Variants in CABP7 observed in about 807,000 individuals in gnomAD.
CABP7 encodes the protein calcium binding protein 7.
CABP7 carries 13 observed loss-of-function variants against 23.1 expected under a neutral mutation model. That is an observed-to-expected ratio of 0.56 (90% CI 0.37 to 0.90). CABP7 has a LOEUF of 0.90. Ranked by LOEUF, CABP7 falls within the 40% of genes least tolerant of loss-of-function variation. The pLI, the probability that CABP7 is intolerant of heterozygous loss-of-function variation, is 0.01. For missense variants in CABP7, 248 were observed against 295.6 expected, an observed-to-expected ratio of 0.84 and a Z score of 1.18; for synonymous variants, 123 against 115.3, an observed-to-expected ratio of 1.07 and a Z score of -0.43.
At chr22:29,729,297 TG>T in intron 4 of CABP7, 89 bp downstream of exon 4, 1 of 1,560,460 alleles carries the variant, frequency 6.4e-7, no homozygotes. Flanking sequence ...AGAGGGGGGC[TG>T]GGGGCCTCCT....
Position 29,731,635 on chromosome 22 carries a change from A to C in CABP7, c.*2066A>C. 4 of 387,364 alleles carry C rather than the reference A, an allele frequency of 1.0e-5. No individual in the cohort carries two copies. Among genetic ancestry groups the C allele is most frequent in the Non-Finnish European group, 1.8e-5 (4 of 216,814 alleles). The allele number at this position is 387,364 out of a possible 1,614,324, so 24.0% of individuals were successfully genotyped here. On this transcript the variant is annotated 3_prime_UTR_variant, in exon 5 of 5. Transcript: ENST00000216144. The stretch of plus-strand genomic sequence containing the variant: ...CCTGTGGGGGACTGATTCAATACAT[A>C]TGCACGTCCACAGCAGAGAATGCCA...
Position 29,729,550 on chromosome 22 carries a change from T to C in CABP7, c.629T>C (p.Leu210Pro), listed in dbSNP as rs2067823171. Residue 210 changes from leucine (L) to proline (P), a missense_variant, in exon 5 of 5, where the codon CTG (leucine) becomes CCG (proline). Physicochemically the swap from Leu to Pro is moderately conservative, Grantham distance 98. Coordinates refer to ENST00000216144, the MANE Select transcript of CABP7 (RefSeq NM_182527.3). The part of the protein sequence containing the change: ...SVMLIAANQV[L>P]RSGMK ...ATGCTCATTGCGGCCAACCAGGTGC[T>C]GCGCAGTGGCATGAAGTAGACGCCA... 6.2e-7 allele frequency: 1 copy of C among 1,611,330 alleles called. No individual in the cohort carries two copies. The highest frequency in any genetic ancestry group is 8.5e-7 in the Non-Finnish European group (1 of 1,179,950).
chr22:29,729,892 C>T lies in CABP7; in HGVS notation c.*323C>T. On this transcript the variant is annotated 3_prime_UTR_variant, in exon 5 of 5. Transcript: ENST00000216144. ...GGGATTTGCACAGGAACCCCCAGGA[C>T]CCAGTCGCTGCTGTGGTCCCTTGGG... 1 of 340,508 alleles carries T rather than the reference C, an allele frequency of 2.9e-6. No homozygotes were observed. The highest frequency in any genetic ancestry group is 5.5e-6 in the Non-Finnish European group (1 of 182,920). The allele number at this position is 340,508 out of a possible 1,614,324, so 21.1% of individuals were successfully genotyped here. A position where few individuals can be genotyped will look rare whatever the true frequency, so the allele number is the denominator to read the frequency against.
Position 29,727,264 on chromosome 22 carries a change from G to A in CABP7, c.110-398G>A, listed in dbSNP as rs577933792. On this transcript the variant is annotated intron_variant, in intron 1 of 4. Transcript: ENST00000216144. The surrounding 1 kb of genome is among the most constrained non-coding windows in gnomAD (Gnocchi z 4.2). ...GGAGGCGCAGCGGGATGGAGATGGT[G>A]GGGGAGAGGGGGATGAAAGGAATGG... is the stretch of plus-strand genomic sequence containing the variant. 6.6e-6 allele frequency among the ~76,000 whole-genome samples: 1 copy of A among 151,756 alleles called. No individual in the cohort carries two copies. Among genetic ancestry groups the A allele is most frequent in the African/African-American group, 2.4e-5 (1 of 41,202 alleles).
chr22:29,720,113 G>A lies in CABP7; in HGVS notation c.-312G>A, dbSNP rs1468200676. ...GGCGGCGAGCAGCGCGGAGCGCGCG[G>A]GGCACCGAGGAGCGGGCGCGGCGGG... On this transcript the variant is annotated 5_prime_UTR_variant, in exon 1 of 5. Coordinates refer to ENST00000216144, the MANE Select transcript of CABP7 (RefSeq NM_182527.3). This position sits in a 1 kb window ranked among gnomAD's most constrained non-coding sequence, Gnocchi z 5.2. 6.8e-6 allele frequency: 1 copy of A among 147,816 alleles called. No individual in the cohort carries two copies. The highest frequency in any genetic ancestry group is 1.5e-5 in the Non-Finnish European group (1 of 66,308). 9.2% of individuals were successfully genotyped at this position (147,816 alleles called of 1,614,324 possible).
rs897045962 is a variant in CABP7 at position 29,729,724 on chromosome 22, G to A, written c.*155G>A. 6.4e-6 allele frequency: 6 copies of A among 931,970 alleles called. No homozygotes were observed. Among genetic ancestry groups the A allele is most frequent in the Middle Eastern group, 3.3e-4 (1 of 3,006 alleles). The allele number at this position is 931,970 out of a possible 1,614,324, so 57.7% of individuals were successfully genotyped here. Reference sequence around the variant, plus strand: ...CAGCGAGCCCTCCCCACCCACCCACGGTCCTCACCTGGAGCTGTGGCCTGG... The same window carrying A: ...CAGCGAGCCCTCCCCACCCACCCACAGTCCTCACCTGGAGCTGTGGCCTGG... On this transcript the variant is annotated 3_prime_UTR_variant, in exon 5 of 5. Coordinates refer to ENST00000216144, the MANE Select transcript of CABP7 (RefSeq NM_182527.3).
chr22:29,728,786 A>G, intron 3 of CABP7, 44 bp downstream of exon 3: 1 of 1,408,046 alleles, frequency 7.1e-7, no homozygotes, highest in Non-Finnish European at 1.0e-6. Flanking sequence ...CACACTGTGG[A>G]GTTCTGTTCT....
In CABP7 at chr22:29,728,756, A is replaced by C; in HGVS notation, c.366+14A>C. ...GTCTTCTGGAAGGTATCCCCTGGCT[A>C]GTTGGGACCCAGGGCTGTGCACACT... is the stretch of plus-strand genomic sequence containing the variant. On this transcript the variant is annotated intron_variant, in intron 3 of 4. Coordinates refer to ENST00000216144, the MANE Select transcript of CABP7 (RefSeq NM_182527.3). 4 of 1,559,548 alleles carry C rather than the reference A, an allele frequency of 2.6e-6. No homozygotes were observed. The highest frequency in any genetic ancestry group is 3.5e-6 in the Non-Finnish European group (4 of 1,130,752).
At chr22:29,728,981 G>T in intron 3 of CABP7, 74 bp from the exon 4 acceptor site, 2 of 1,556,190 alleles carry the variant, frequency 1.3e-6, no homozygotes, top group Non-Finnish European at 1.8e-6. Flanking sequence ...CCTGTCACCG[G>T]GTCTGTATGG....
rs758609343 is a variant in CABP7 at position 29,720,543 on chromosome 22, C to T, written c.109+10C>T. Reference sequence around the variant, plus strand: ...GAGGACGAGCTGGAGGGTGAGTGTCCGCCGGGATCCCCGCCCCGGCGGCCC... The same window carrying T: ...GAGGACGAGCTGGAGGGTGAGTGTCTGCCGGGATCCCCGCCCCGGCGGCCC... On this transcript the variant is annotated intron_variant, in intron 1 of 4. Transcript: ENST00000216144. This position sits in a 1 kb window ranked among gnomAD's most constrained non-coding sequence, Gnocchi z 5.2. 1 of 1,513,042 alleles carries T rather than the reference C, an allele frequency of 6.6e-7. No individual in the cohort carries two copies. Among genetic ancestry groups the T allele is most frequent in the East Asian group, 2.7e-5 (1 of 36,414 alleles). The allele number at this position is 1,513,042 out of a possible 1,614,324, so 93.7% of individuals were successfully genotyped here.
At chr22:29,728,609 T>G in intron 2 of CABP7, 21 bp from the exon 3 acceptor site, 1 of 1,505,482 alleles carries the variant, frequency 6.6e-7, no homozygotes, top group Non-Finnish European at 9.2e-7. Flanking sequence ...CACTGATTGA[T>G]TGGACCTGTG....
In CABP7 at chr22:29,727,923, C is replaced by T; in HGVS notation, c.253+118C>T. 1 of 1,189,094 alleles carries T rather than the reference C, an allele frequency of 8.4e-7. No homozygotes were observed. The highest frequency in any genetic ancestry group is 1.2e-6 in the Non-Finnish European group (1 of 869,556). The allele number at this position is 1,189,094 out of a possible 1,614,324, so 73.7% of individuals were successfully genotyped here. ...AATTGGGTCTCTCGCTCCCCTGACT[C>T]CCACCCTCAAAGTCCGTGGCAGGTT... On this transcript the variant is annotated intron_variant, in intron 2 of 4. Coordinates refer to ENST00000216144, the MANE Select transcript of CABP7 (RefSeq NM_182527.3). This position sits in a 1 kb window ranked among gnomAD's most constrained non-coding sequence, Gnocchi z 4.2.
rs751806921 is a variant in CABP7 at position 29,727,812 on chromosome 22, A to AC, written c.253+14dup. The AC allele has an allele frequency of 7.0e-5, 112 of 1,598,030 alleles. No individual in the cohort carries two copies. In the East Asian group the frequency reaches 8.6e-4, roughly 12 times the overall value. On this transcript the variant is annotated splice_region_variant and intron_variant, in intron 2 of 4. Coordinates refer to ENST00000216144, the MANE Select transcript of CABP7 (RefSeq NM_182527.3). The surrounding 1 kb of genome is among the most constrained non-coding windows in gnomAD (Gnocchi z 4.2). ...CAGCGGCTGGACATGGATGGTGAGC[A>AC]CCCCCCCGCCTCGGTTTCCCCACCT...
chr22:29,731,613 G>T lies in CABP7; in HGVS notation c.*2044G>T. On this transcript the variant is annotated 3_prime_UTR_variant, in exon 5 of 5. Transcript: ENST00000216144. The stretch of plus-strand genomic sequence containing the variant: ...ATGGGAATAACCTTCGTGTCCACCT[G>T]TGGGGGACTGATTCAATACATATGC... 1 of 445,484 alleles carries T rather than the reference G, an allele frequency of 2.2e-6. No individual in the cohort carries two copies. Among genetic ancestry groups the T allele is most frequent in the South Asian group, 2.9e-5 (1 of 35,072 alleles). 27.6% of individuals were successfully genotyped at this position (445,484 alleles called of 1,614,324 possible). A position where few individuals can be genotyped will look rare whatever the true frequency, so the allele number is the denominator to read the frequency against.
chr22:29,723,786 A>C (rs376459206), intron 1 of CABP7, among the ~76,000 whole-genome samples: 2 of 152,220 alleles, frequency 1.3e-5, no homozygotes, highest in South Asian at 4.1e-4. Context: ...AGTGCCACGG[A>C]GAGTAGCAGC....
intron 1 of CABP7, among the ~76,000 whole-genome samples, chr22:29,726,559 A>G (rs2067796721): frequency 1.3e-5 from 2 of 152,250 alleles, no homozygotes; most frequent in Non-Finnish European, 2.9e-5. Flanking sequence ...TCTGGTCTGC[A>G]GCACGGAGCA....
intron 2 of CABP7, among the ~76,000 whole-genome samples, chr22:29,728,099 C>T (rs1420497163): frequency 6.6e-6 from 1 of 152,210 alleles, no homozygotes; most frequent in Non-Finnish European, 1.5e-5. Context: ...GCAATAAATA[C>T]TCCAGTTCCC....
At chr22:29,722,592 C>T (rs2067769135) in intron 1 of CABP7, among the ~76,000 whole-genome samples, 2 of 152,370 alleles carry the variant, frequency 1.3e-5, no homozygotes, top group Non-Finnish European at 2.9e-5. Flanking sequence ...CATGACCAGC[C>T]CCCTTCTTGG....
intron 1 of CABP7, among the ~76,000 whole-genome samples, chr22:29,726,157 G>A (rs1331406791): frequency 6.6e-6 from 1 of 152,174 alleles, no homozygotes; most frequent in Non-Finnish European, 1.5e-5. Flanking sequence ...GGTCCTGGTG[G>A]GATGAGTGAA....
Sources: allele counts gnomAD v4.1 joint callset (sites outside exome capture counted in the v4.1 genomes callset), GRCh38; gene constraint gnomAD v4.1.1; non-coding constraint Gnocchi (gnomAD v3.1); transcripts MANE v1.5; gene names NCBI Gene and HGNC (gene_info 2026-07-23, HGNC 2026-07-21).